The following KLHDC1 variants were observed in gnomAD, a reference collection of about 807,000 sequenced individuals.
KLHDC1 encodes kelch domain containing 1.
Under a neutral mutation model 68.3 loss-of-function variants are expected in KLHDC1, and 53 were observed. The ratio of observed to expected loss-of-function variants is 0.78; its 90% CI spans 0.62 to 0.98. The LOEUF is 0.98. KLHDC1 is among the 50% of genes least tolerant of loss of function. The pLI is 0.00. For missense variants in KLHDC1, 470 were observed against 492.3 expected (o/e 0.95, Z 0.43); for synonymous variants, 148 against 159.0 (o/e 0.93, Z 0.52).
At chr14:49,736,602 A>C (rs149243242) in intron 10 of KLHDC1, among the ~76,000 whole-genome samples, 62 of 152,298 alleles carry the variant, frequency 4.1e-4, no homozygotes, top group African/African-American at 1.5e-3. Context: ...ATCTATAAGC[A>C]TTTTGTACAA....
At chr14:49,711,397 G>A (rs991043368) in intron 4 of KLHDC1, among the ~76,000 whole-genome samples, 2 of 152,036 alleles carry the variant, frequency 1.3e-5, no homozygotes, top group African/African-American at 2.4e-5. Flanking sequence ...TAGAGACAGG[G>A]TTTCACTGTG....
intron 6 of KLHDC1, among the ~76,000 whole-genome samples, chr14:49,728,040 A>G (rs1411812102): frequency 1.3e-5 from 2 of 152,096 alleles, no homozygotes; most frequent in African/African-American, 4.8e-5. Context: ...AAACCTCCCT[A>G]GGGTGGCGTA....
In KLHDC1 at chr14:49,711,194, G is replaced by A. The variant is rs569043368; in HGVS notation, c.404+813G>A. Among the ~76,000 whole-genome samples the A allele has an allele frequency of 3.1e-4, 47 of 151,260 alleles. 1 individual carries two copies. Among genetic ancestry groups the A allele is most frequent in the Admixed American group, 1.7e-3 (26 of 15,140 alleles). On this transcript the variant is annotated intron_variant, in intron 4 of 12. Coordinates refer to ENST00000359332, the MANE Select transcript of KLHDC1 (RefSeq NM_172193.3). Reference sequence around the variant, plus strand: ...TTTTACTTTATTTATTTATTTATTTGTTTGTTTATTTATTTATTTATTTTT... The same window carrying A: ...TTTTACTTTATTTATTTATTTATTTATTTGTTTATTTATTTATTTATTTTT...
intron 12 of KLHDC1, among the ~76,000 whole-genome samples, chr14:49,749,559 TC>T (rs2139772984): frequency 6.6e-6 from 1 of 151,104 alleles, no homozygotes; most frequent in East Asian, 2.0e-4. Flanking sequence ...GCGCCTGTAG[TC>T]CCAGCTACTC....
intron 12 of KLHDC1, 135 bp downstream of exon 12, chr14:49,743,940 G>C: frequency 1.7e-6 from 1 of 573,804 alleles, no homozygotes; most frequent in Non-Finnish European, 3.1e-6. Context: ...CTTCCTAAGA[G>C]TATAATCAAA....
chr14:49,697,353 C>A (rs1887774170), intron 1 of KLHDC1, among the ~76,000 whole-genome samples: 1 of 152,178 alleles, frequency 6.6e-6, no homozygotes, highest in African/African-American at 2.4e-5. Flanking sequence ...CAGTTAAGTT[C>A]ACCATCCTAT....
intron 11 of KLHDC1, among the ~76,000 whole-genome samples, chr14:49,742,755 A>G (rs1287254321): frequency 2.0e-5 from 3 of 151,658 alleles, no homozygotes; most frequent in African/African-American, 4.8e-5. Context: ...GGAAATTTTT[A>G]CATATGAGTT....
intron 1 of KLHDC1, among the ~76,000 whole-genome samples, chr14:49,694,632 T>C (rs901633916): frequency 6.6e-6 from 1 of 152,002 alleles, no homozygotes; most frequent in Non-Finnish European, 1.5e-5. Context: ...GGCGGGTGGA[T>C]TACCTGAAGT....
intron 1 of KLHDC1, among the ~76,000 whole-genome samples, chr14:49,699,305 G>A (rs996324093): frequency 2.4e-4 from 37 of 151,750 alleles, no homozygotes; most frequent in African/African-American, 8.7e-4. Flanking sequence ...TAGATCCTGA[G>A]TCTACTACTT....
chr14:49,740,518 T>A (rs951188580), intron 11 of KLHDC1, among the ~76,000 whole-genome samples: 1 of 152,082 alleles, frequency 6.6e-6, no homozygotes, highest in African/African-American at 2.4e-5. Flanking sequence ...TTTGTATTTT[T>A]AGTAGAGAGA....
chr14:49,727,333 C>T (rs942631841), intron 6 of KLHDC1, among the ~76,000 whole-genome samples: 1 of 151,974 alleles, frequency 6.6e-6, no homozygotes, highest in Non-Finnish European at 1.5e-5. Context: ...TTCCTGATGC[C>T]AAAGGGATGA....
intron 10 of KLHDC1, among the ~76,000 whole-genome samples, chr14:49,737,677 TAATACAGTGA>T (rs1888961135): frequency 6.7e-6 from 1 of 149,314 alleles, no homozygotes; most frequent in Non-Finnish European, 1.5e-5. Flanking sequence ...CCAGCCTGGA[TAATACAGTGA>T]AACCCCATCT....
At chr14:49,726,973 G>T (rs1888686124) in intron 6 of KLHDC1, among the ~76,000 whole-genome samples, 1 of 152,176 alleles carries the variant, frequency 6.6e-6, no homozygotes, top group African/African-American at 2.4e-5. Flanking sequence ...GGCTGGGCTT[G>T]CTGGCTCATG....
rs768683110 is a variant in KLHDC1, at chr14:49,709,762, G to T, written c.221G>T (p.Gly74Val). 3.1e-6 allele frequency: 5 copies of T among 1,604,956 alleles called. No individual in the cohort carries two copies. The Admixed American group carries it at 8.6e-5, about 28-fold the overall frequency. The change falls in exon 3 of 13, where the codon GGT (glycine) becomes GTT (valine). Residue 74 changes from glycine (G) to valine (V), a missense_variant. Coordinates refer to ENST00000359332, the MANE Select transcript of KLHDC1 (RefSeq NM_172193.3). ...ELPASMSGSC[G>V]ACINGKLYIF... ...CCAGCCTCCATGTCAGGAAGCTGTG[G>T]TGCTTGCATTAATGGAAAGCTGTAC...
chr14:49,726,810 T>C (rs756462139), intron 6 of KLHDC1, among the ~76,000 whole-genome samples: 1 of 152,228 alleles, frequency 6.6e-6, no homozygotes, highest in Non-Finnish European at 1.5e-5. Context: ...CTTTCTGTCT[T>C]TCTGTCTGCT....
At chr14:49,704,631 G>A (rs1275270616) in intron 1 of KLHDC1, among the ~76,000 whole-genome samples, 1 of 151,844 alleles carries the variant, frequency 6.6e-6, no homozygotes, top group Non-Finnish European at 1.5e-5. Flanking sequence ...CCTGACCTCA[G>A]GTGATCTGCC....
rs1246198459 is a variant in KLHDC1 at position 49,752,858 on chromosome 14, G to C, written c.*1086G>C. ...AATTAATTACTAAAAAGCTTGGTAT[G>C]TAAAATTATTCTCCACAATATTACC... On this transcript the variant is annotated 3_prime_UTR_variant, in exon 13 of 13. Transcript: ENST00000359332. 6.6e-6 allele frequency: 1 copy of C among 151,856 alleles called. No homozygotes were observed. The highest frequency in any genetic ancestry group is 1.5e-5 in the Non-Finnish European group (1 of 67,938). 9.4% of individuals were successfully genotyped at this position (151,856 alleles called of 1,614,324 possible).
intron 4 of KLHDC1, among the ~76,000 whole-genome samples, chr14:49,712,337 A>G (rs999395996): frequency 6.6e-6 from 1 of 152,164 alleles, no homozygotes; most frequent in Non-Finnish European, 1.5e-5. Context: ...ATAGAATCCC[A>G]ATAGTCTGCA....
At chr14:49,720,480 G>T (rs1888498745) in intron 4 of KLHDC1, among the ~76,000 whole-genome samples, 1 of 151,622 alleles carries the variant, frequency 6.6e-6, no homozygotes, top group East Asian at 1.9e-4. Flanking sequence ...CTCTGTATGT[G>T]TCTTTTTTTT....
Sources: gnomAD v4.1 joint callset for allele counts (sites outside exome capture counted in the v4.1 genomes callset) on GRCh38, gnomAD v4.1.1 for gene constraint, MANE v1.5 for transcripts, NCBI Gene and HGNC (gene_info 2026-07-23, HGNC 2026-07-21) for gene names.